Variants in COL5A2 observed in about 807,000 individuals in gnomAD.
COL5A2 encodes collagen alpha-2(V) chain.
A neutral mutation model predicts 208.2 loss-of-function variants in COL5A2; 23 were observed. The observed-to-expected ratio is 0.11, with a 90% CI of 0.08 to 0.16. COL5A2 has a LOEUF of 0.16. COL5A2 is among the 10% of genes least tolerant of loss of function. The pLI is 1.00. For synonymous variants in COL5A2, 625 were observed against 628.5 expected, an observed-to-expected ratio of 0.99 and a Z score of 0.08; for missense variants, 1,590 against 1,956.4, an observed-to-expected ratio of 0.81 and a Z score of 3.53.
chr2:189,062,805 G>A (rs1407650713), intron 29 of COL5A2, 60 bp downstream of exon 29: 21 of 1,598,254 alleles, frequency 1.3e-5, no homozygotes, highest in South Asian at 4.4e-5. Context: ...AAACATCATC[G>A]AAAAAATGCA....
At chr2:189,379,945 G>A in the COL5A2 span, among the ~76,000 whole-genome samples, 1 of 152,054 alleles carries the variant, frequency 6.6e-6, no homozygotes, top group Non-Finnish European at 1.5e-5. Flanking sequence ...TAGTAGTTAT[G>A]TAGTCATTTA....
At chr2:189,157,438 G>T (rs1688276339) in intron 1 of COL5A2, among the ~76,000 whole-genome samples, 2 of 151,766 alleles carry the variant, frequency 1.3e-5, no homozygotes, top group Non-Finnish European at 2.9e-5. Context: ...TTTAAATAAA[G>T]AAGTCTAAAA....
At chr2:189,068,701 A>AT (rs1307157827) in intron 19 of COL5A2, 85 bp downstream of exon 19, 13 of 942,178 alleles carry the variant, frequency 1.4e-5, no homozygotes, top group Non-Finnish European at 2.2e-5. Context: ...TTATGTATCA[A>AT]TTAAAAAAAT....
chr2:189,335,938 AG>A, the COL5A2 span, among the ~76,000 whole-genome samples: 1 of 152,192 alleles, frequency 6.6e-6, no homozygotes, highest in Non-Finnish European at 1.5e-5. Context: ...TTTTCTAAAA[AG>A]GAAATCATTA....
the COL5A2 span, among the ~76,000 whole-genome samples, chr2:189,248,164 A>G: frequency 6.6e-6 from 1 of 152,256 alleles, no homozygotes; most frequent in Non-Finnish European, 1.5e-5. Context: ...AGTTTCTTTG[A>G]TAATAGCAAT....
At chr2:189,104,392 G>GTA in intron 2 of COL5A2, 115 bp from the exon 3 acceptor site, 1 of 782,082 alleles carries the variant, frequency 1.3e-6, no homozygotes, top group Non-Finnish European at 2.3e-6. Context: ...CAGTGATAGT[G>GTA]ATTACACTAT....
the COL5A2 span, among the ~76,000 whole-genome samples, chr2:189,369,353 T>A: frequency 6.6e-6 from 1 of 152,144 alleles, no homozygotes; most frequent in South Asian, 2.1e-4. Flanking sequence ...TTTCTTTTAG[T>A]TTGCATTTGA....
chr2:189,058,650 T>G (rs772355105), intron 32 of COL5A2, 123 bp from the exon 33 acceptor site: 6 of 1,012,248 alleles, frequency 5.9e-6, no homozygotes, highest in Non-Finnish European at 9.1e-6. Context: ...AATCTCAATT[T>G]TCTAATTTAG....
chr2:189,344,003 T>C, the COL5A2 span, among the ~76,000 whole-genome samples: 1 of 152,226 alleles, frequency 6.6e-6, no homozygotes, highest in African/African-American at 2.4e-5. Flanking sequence ...CATGTGAACT[T>C]GAAAATTGCT....
chr2:189,371,237 C>T, the COL5A2 span, among the ~76,000 whole-genome samples: 1 of 152,140 alleles, frequency 6.6e-6, no homozygotes, highest in South Asian at 2.1e-4. Flanking sequence ...AACTGTCAGC[C>T]AAATAAACTT....
At chr2:189,059,805 G>A (rs986490404) in intron 31 of COL5A2, among the ~76,000 whole-genome samples, 6 of 151,162 alleles carry the variant, frequency 4.0e-5, no homozygotes, top group African/African-American at 4.9e-5. Flanking sequence ...GGCTGGTCTC[G>A]AACTCCTGAT....
chr2:189,387,301 G>A, the COL5A2 span, among the ~76,000 whole-genome samples: 2 of 152,054 alleles, frequency 1.3e-5, no homozygotes, highest in African/African-American at 2.4e-5. Context: ...ACAATAGACA[G>A]TGGAGCCTAC....
the COL5A2 span, among the ~76,000 whole-genome samples, chr2:189,329,579 A>G: frequency 1.3e-5 from 2 of 152,244 alleles, no homozygotes; most frequent in East Asian, 3.8e-4. Flanking sequence ...CATGTTGTAT[A>G]GCATAAACAT....
At chr2:189,301,834 T>C in the COL5A2 span, among the ~76,000 whole-genome samples, 4 of 152,174 alleles carry the variant, frequency 2.6e-5, no homozygotes, top group Non-Finnish European at 4.4e-5. Flanking sequence ...TAAAAATATA[T>C]ATAGAAAGAG....
chr2:189,050,491 C>CAAA, intron 43 of COL5A2, 78 bp downstream of exon 43: 1 of 1,212,494 alleles, frequency 8.2e-7, no homozygotes, highest in Non-Finnish European at 1.2e-6. Flanking sequence ...ATTCATCAAG[C>CAAA]AAAAAAAATA....
chr2:189,228,551 G>A (rs117079059), upstream of COL5A2, among the ~76,000 whole-genome samples: 389 of 151,716 alleles, frequency 2.6e-3, 11 homozygotes, highest in Admixed American at 0.022. Context: ...TATCCAAATT[G>A]GATAGCCTAG....
the COL5A2 span, among the ~76,000 whole-genome samples, chr2:189,279,703 C>CT: frequency 6.6e-6 from 1 of 152,010 alleles, no homozygotes; most frequent in Non-Finnish European, 1.5e-5. Context: ...CTGAATTGAA[C>CT]TTTTGTCATT....
chr2:189,250,314 C>T, the COL5A2 span, among the ~76,000 whole-genome samples: 5 of 152,076 alleles, frequency 3.3e-5, no homozygotes, highest in South Asian at 4.1e-4. Context: ...GCTAAAACAT[C>T]GAAAGGGTTA....
chr2:189,045,202 G>T lies in COL5A2; in HGVS notation c.3340C>A (p.Arg1114=). The T allele has an allele frequency of 6.2e-7, 1 of 1,605,006 alleles. No homozygotes were observed. The highest frequency in any genetic ancestry group is 2.2e-5 in the East Asian group (1 of 44,628). ...ACAGGTAATCCACGTTTCCCAGCTCGACCAGGTGGTCCTATAGGACCCCGA... is the reference window on the plus strand; with the variant it reads ...ACAGGTAATCCACGTTTCCCAGCTCTACCAGGTGGTCCTATAGGACCCCGA... ...GSRGPIGPPG[R]AGKRGLPGPQ... is the part of the protein sequence containing the mutation. The change falls in exon 47 of 54, where the codon CGA becomes AGA. Residue 1114 remains arginine, a synonymous_variant. Coordinates refer to ENST00000374866, the MANE Select transcript of COL5A2 (RefSeq NM_000393.5).
Sources: allele counts gnomAD v4.1 joint callset (sites outside exome capture counted in the v4.1 genomes callset), GRCh38; gene constraint gnomAD v4.1.1; transcripts MANE v1.5; gene names NCBI Gene and HGNC (gene_info 2026-07-23, HGNC 2026-07-21).